Variants in SUB1 observed in about 807,000 individuals in gnomAD.
SUB1 encodes activated RNA polymerase II transcriptional coactivator p15.
Under a neutral mutation model 16.9 loss-of-function variants are expected in SUB1, and 1 was observed. That is an observed-to-expected ratio of 0.06 (90% CI 0.02 to 0.28). The LOEUF is 0.28. Among genes scored for constraint, SUB1 ranks in the 10% least tolerant of loss-of-function variants. The probability of loss-of-function intolerance (pLI) is 1.00; values close to 1 mark genes in which losing one functional copy is unlikely to be tolerated. For synonymous variants in SUB1, 51 were observed against 46.9 expected (o/e 1.09, Z -0.36); for missense variants, 84 against 145.2 (o/e 0.58, Z 2.16).
chr5:32,591,334 G>T (rs939843256), intron 2 of SUB1: 4 of 418,328 alleles, frequency 9.6e-6, no homozygotes, highest in East Asian at 5.2e-5. Context: ...CTACTATAAT[G>T]CCTGAAGTGT....
intron 3 of SUB1, among the ~76,000 whole-genome samples, chr5:32,592,888 G>A (rs1738865555): frequency 6.6e-6 from 1 of 152,200 alleles, no homozygotes; most frequent in African/African-American, 2.4e-5. Context: ...GAAGGAAAAA[G>A]AGGATGTAGG....
In SUB1 at chr5:32,601,053, C is replaced by G. The variant is rs1396975686; in HGVS notation, c.353C>G (p.Ser118Cys). 15 of 1,611,968 alleles carry G rather than the reference C, an allele frequency of 9.3e-6. No individual in the cohort carries two copies. Among genetic ancestry groups the G allele is most frequent in the Non-Finnish European group, 1.3e-5 (15 of 1,179,770 alleles). Reference sequence around the variant, plus strand: ...TGGAGCCAGCTGAAGGAACAGATTTCTGACATTGATGATGCAGTAAGAAAA... The same window carrying G: ...TGGAGCCAGCTGAAGGAACAGATTTGTGACATTGATGATGCAGTAAGAAAA... ...EQWSQLKEQISDIDDAVRKL is the reference protein window; with the variant it reads ...EQWSQLKEQICDIDDAVRKL Residue 118 changes from serine (S) to cysteine (C), a missense_variant, in exon 5 of 5, where the codon TCT becomes TGT. By Grantham distance (112) the Ser-to-Cys change is moderately radical (BLOSUM62 -1). Around this residue, in one of 2 missense-constraint regions of SUB1, gnomAD observed 24 missense variants for 80.3 expected, o/e 0.30. Coordinates refer to ENST00000265073, the MANE Select transcript of SUB1 (RefSeq NM_006713.4).
chr5:32,587,034 T>C (rs1447797309), intron 1 of SUB1, among the ~76,000 whole-genome samples: 2 of 152,230 alleles, frequency 1.3e-5, no homozygotes, highest in Admixed American at 1.3e-4. Flanking sequence ...TTTTCTTGTA[T>C]TAAACAAATA....
At chr5:32,600,945 T>C in intron 4 of SUB1, 60 bp from the exon 5 acceptor site, 2 of 1,466,776 alleles carry the variant, frequency 1.4e-6, no homozygotes, top group Middle Eastern at 1.8e-4. Flanking sequence ...TAGTTGGAAG[T>C]ATGAAAATCC....
intron 1 of SUB1, among the ~76,000 whole-genome samples, chr5:32,586,814 A>G (rs1690139448): frequency 6.6e-6 from 1 of 152,242 alleles, no homozygotes; most frequent in African/African-American, 2.4e-5. Flanking sequence ...GGTCATGAAC[A>G]TTGCTTTTCC....
intron 1 of SUB1, among the ~76,000 whole-genome samples, chr5:32,587,415 T>G (rs2111650744): frequency 6.6e-6 from 1 of 152,288 alleles, no homozygotes; most frequent in African/African-American, 2.4e-5. Context: ...AAACACCCAC[T>G]TGTAAGCAAG....
chr5:32,589,889 T>A (rs1370577669), intron 2 of SUB1, among the ~76,000 whole-genome samples: 2 of 151,934 alleles, frequency 1.3e-5, no homozygotes, highest in African/African-American at 4.8e-5. Flanking sequence ...CAATTTTAGC[T>A]AAAAGAAAAG....
intron 4 of SUB1, among the ~76,000 whole-genome samples, chr5:32,599,289 C>T (rs951740943): frequency 6.6e-6 from 1 of 152,152 alleles, no homozygotes; most frequent in South Asian, 2.1e-4. Flanking sequence ...AGTAACACCC[C>T]TAATATCACT....
At position 32,601,084 on chromosome 5, in the gene SUB1, A is replaced by G; in HGVS notation, c.384A>G (p.Ter128=). 6.2e-7 allele frequency: 1 copy of G among 1,610,584 alleles called. No homozygotes were observed. The highest frequency in any genetic ancestry group is 8.5e-7 in the Non-Finnish European group (1 of 1,178,666). Residue 128 remains the stop codon, a stop_retained_variant, in exon 5 of 5, where the codon TAA becomes TAG. Coordinates refer to ENST00000265073, the MANE Select transcript of SUB1 (RefSeq NM_006713.4). ...TTGATGATGCAGTAAGAAAACTGTA[A>G]AATTCGAGCCATATAAATAAAACCT... ...SDIDDAVRKL[*]
In SUB1 at chr5:32,597,960, GATATGTCATCTGTTAATAAA is replaced by G. The variant is rs1432921609; in HGVS notation, c.196-985_196-966del. On this transcript the variant is annotated intron_variant, in intron 3 of 4. Transcript: ENST00000265073. ...ATTAGTTTACGTTGTCTGTTTATAA[GATATGTCATCTGTTAATAAA>G]ATATGTCATCTGTTAGAAATTGTAG... 4 of 152,272 alleles carry G rather than the reference GATATGTCATCTGTTAATAAA, an allele frequency of 2.6e-5. No homozygotes were observed. In the South Asian group the frequency reaches 8.3e-4, roughly 32 times the overall value. The allele number at this position is 152,272 out of a possible 1,614,324, so 9.4% of individuals were successfully genotyped here. A position where few individuals can be genotyped will look rare whatever the true frequency, so the allele number is the denominator to read the frequency against.
chr5:32,597,327 C>T (rs780889327), intron 3 of SUB1: 11 of 152,102 alleles, frequency 7.2e-5, no homozygotes, highest in Non-Finnish European at 1.2e-4. Flanking sequence ...AAAGTATTAC[C>T]TTTTTCCTTT....
rs1019198467 is a variant in SUB1 at position 32,599,194 on chromosome 5, A to G, written c.304+125A>G. The G allele has an allele frequency of 4.7e-5, 32 of 674,508 alleles. No individual in the cohort carries two copies. In the East Asian group the frequency reaches 5.7e-4, roughly 12 times the overall value. 41.8% of individuals were successfully genotyped at this position (674,508 alleles called of 1,614,324 possible). On this transcript the variant is annotated intron_variant, in intron 4 of 4. Transcript: ENST00000265073. The stretch of plus-strand genomic sequence containing the variant: ...AAGAGTCTTACTCAATTGATTCTCT[A>G]TCTTCTGTAGTTATTTTGGACATGA...
At chr5:32,598,930 G>A (rs746586986) in intron 3 of SUB1, 31 bp from the exon 4 acceptor site, 7 of 1,529,284 alleles carry the variant, frequency 4.6e-6, no homozygotes, top group Non-Finnish European at 6.3e-6. Flanking sequence ...CTTGAAAGGA[G>A]CACCTCTTTT....
chr5:32,591,519 GT>G (rs750387337), intron 2 of SUB1, 43 bp from the exon 3 acceptor site: 1 of 1,554,008 alleles, frequency 6.4e-7, no homozygotes, highest in Non-Finnish European at 8.7e-7. Flanking sequence ...ACTGGGGTAT[GT>G]TTTATTTTTA....
chr5:32,594,038 A>C (rs377594918), intron 3 of SUB1, among the ~76,000 whole-genome samples: 1 of 152,218 alleles, frequency 6.6e-6, no homozygotes, highest in East Asian at 1.9e-4. Flanking sequence ...TAGTGTAGGC[A>C]TTATGAAATA....
chr5:32,588,587 G>T lies in SUB1; in HGVS notation c.72+3G>T. The stretch of plus-strand genomic sequence containing the variant: ...CTGACAGTGAGGTTGACAAAAAGGT[G>T]ACTACTGCTGCACCAAGTCATTTTG... On this transcript the variant is annotated splice_donor_region_variant and intron_variant, in intron 2 of 4. Coordinates refer to ENST00000265073, the MANE Select transcript of SUB1 (RefSeq NM_006713.4). 6.8e-6 allele frequency: 11 copies of T among 1,612,906 alleles called. No individual in the cohort carries two copies. The highest frequency in any genetic ancestry group is 9.3e-6 in the Non-Finnish European group (11 of 1,179,232).
intron 3 of SUB1, chr5:32,597,054 G>C (rs1738985984): frequency 6.6e-6 from 1 of 152,044 alleles, no homozygotes; most frequent in South Asian, 2.1e-4. Context: ...AATGGTTGGT[G>C]AAGCAGTGTA....
intron 3 of SUB1, among the ~76,000 whole-genome samples, chr5:32,594,019 T>C (rs3749650): frequency 0.83 from 126,224 of 152,072 alleles, 52,937 homozygotes; most frequent in Middle Eastern, 0.89. Context: ...GTGGCTTTCA[T>C]GGATCTAGTA....
In SUB1 at chr5:32,591,696, CTATTT is replaced by C; in HGVS notation, c.195+13_195+17del. The C allele has an allele frequency of 6.6e-7, 1 of 1,511,154 alleles. No individual in the cohort carries two copies. Among genetic ancestry groups the C allele is most frequent in the East Asian group, 2.4e-5 (1 of 41,804 alleles). 93.6% of individuals were successfully genotyped at this position (1,511,154 alleles called of 1,614,324 possible). A position where few individuals can be genotyped will look rare whatever the true frequency, so the allele number is the denominator to read the frequency against. On this transcript the variant is annotated intron_variant, in intron 3 of 4. Transcript: ENST00000265073. ...GATAACATGTTTCAGGTAAAGTTGG[CTATTT>C]TTTTTTTTTTTTTTTTTGACATGGA...
Sources: allele counts gnomAD v4.1 joint callset (sites outside exome capture counted in the v4.1 genomes callset), GRCh38; gene constraint gnomAD v4.1.1; regional missense constraint gnomAD v4.1.1; transcripts MANE v1.5; gene names NCBI Gene and HGNC (gene_info 2026-07-23, HGNC 2026-07-21).